Variants in ZNF804A observed in about 807,000 individuals in gnomAD.
The protein encoded by ZNF804A is zinc finger protein 804A.
In ZNF804A, 2 loss-of-function variants were observed where a neutral mutation model predicts 16.5. The observed-to-expected ratio is 0.12, with a 90% CI of 0.05 to 0.38. ZNF804A has a LOEUF of 0.38. ZNF804A is among the 10% of genes least tolerant of loss of function. ZNF804A has a pLI of 0.99. For missense variants in ZNF804A, 1,473 were observed against 1,390.7 expected (o/e 1.06, Z -0.94); for synonymous variants, 534 against 489.6 (o/e 1.09, Z -1.20).
chr2:184,703,350 A>G (rs1692958912), intron 1 of ZNF804A, among the ~76,000 whole-genome samples: 2 of 152,206 alleles, frequency 1.3e-5, no homozygotes, highest in Admixed American at 6.5e-5. Context: ...ACCCTGTTCC[A>G]TAAAGCATGC....
At chr2:184,804,030 T>C (rs905163178) in intron 1 of ZNF804A, among the ~76,000 whole-genome samples, 3 of 151,758 alleles carry the variant, frequency 2.0e-5, no homozygotes, top group Admixed American at 6.6e-5. Context: ...GCCTGGCTAA[T>C]TTTTTTTGTA....
At chr2:184,654,594 G>A (rs1692044910) in intron 1 of ZNF804A, among the ~76,000 whole-genome samples, 1 of 152,098 alleles carries the variant, frequency 6.6e-6, no homozygotes, top group Non-Finnish European at 1.5e-5. Context: ...ACCAATTTAA[G>A]GAAATCTAGA....
intron 1 of ZNF804A, among the ~76,000 whole-genome samples, chr2:184,674,283 T>A (rs1692385874): frequency 6.6e-6 from 1 of 152,064 alleles, no homozygotes; most frequent in Non-Finnish European, 1.5e-5. Flanking sequence ...GGCTTCAGAC[T>A]CATCTTGACT....
At chr2:184,775,030 A>G (rs1306328947) in intron 1 of ZNF804A, among the ~76,000 whole-genome samples, 2 of 151,720 alleles carry the variant, frequency 1.3e-5, no homozygotes, top group Non-Finnish European at 3.0e-5. Flanking sequence ...TGATTGCCTT[A>G]GTACCTATGT....
intron 1 of ZNF804A, among the ~76,000 whole-genome samples, chr2:184,844,820 C>G (rs572347338): frequency 6.6e-6 from 1 of 151,902 alleles, no homozygotes; most frequent in African/African-American, 2.4e-5. Flanking sequence ...CCACTTCTCT[C>G]TCTCTCCAGC....
intron 1 of ZNF804A, among the ~76,000 whole-genome samples, chr2:184,835,702 C>G (rs776094108): frequency 6.6e-6 from 1 of 150,530 alleles, no homozygotes; most frequent in Non-Finnish European, 1.5e-5. Flanking sequence ...AAAGAGGTGA[C>G]CTTAAGTGGA....
Position 184,935,828 on chromosome 2 carries a change from G to A in ZNF804A, c.432G>A (p.Val144=), listed in dbSNP as rs770015598. The A allele has an allele frequency of 1.9e-6, 3 of 1,612,886 alleles. No individual in the cohort carries two copies. The African/African-American group carries it at 4.0e-5, about 22-fold the overall frequency. Residue 144 remains valine, a synonymous_variant, in exon 4 of 4, where the codon GTG becomes GTA. Coordinates refer to ENST00000302277, the MANE Select transcript of ZNF804A (RefSeq NM_194250.2). ...TGTTCAAATCAACAACTGTTACTGT[G>A]AGAGAAAACTGTAATGAAATTTCCC... ...GPMFKSTTVT[V]RENCNEISQR...
intron 1 of ZNF804A, among the ~76,000 whole-genome samples, chr2:184,780,197 T>C (rs1694352900): frequency 2.0e-5 from 3 of 151,780 alleles, no homozygotes; most frequent in African/African-American, 7.2e-5. Flanking sequence ...CAACTGGCCA[T>C]GTTATGTAGT....
chr2:184,866,264 ATTCTGT>A (rs1408105789), intron 1 of ZNF804A, 99 bp from the exon 2 acceptor site: 71 of 994,576 alleles, frequency 7.1e-5, no homozygotes, highest in Non-Finnish European at 9.8e-5. Flanking sequence ...TCTTTGCTGT[ATTCTGT>A]TTCTAACTCT....
intron 2 of ZNF804A, among the ~76,000 whole-genome samples, chr2:184,868,695 A>T (rs2105812368): frequency 6.6e-6 from 1 of 152,192 alleles, no homozygotes; most frequent in East Asian, 1.9e-4. Flanking sequence ...AGCAATTTTG[A>T]TTCCTAATGA....
rs569263720 is a variant in ZNF804A at position 184,683,205 on chromosome 2, T to G, written c.111+84135T>G. ...GCTAGGTATGTGTAATTCAGTACAA[T>G]GAACAATTCAATGTCTACTTTTTAA... On this transcript the variant is annotated intron_variant, in intron 1 of 3. Coordinates refer to ENST00000302277, the MANE Select transcript of ZNF804A (RefSeq NM_194250.2). Among the ~76,000 whole-genome samples the G allele has an allele frequency of 5.9e-5, 9 of 152,348 alleles. No individual in the cohort carries two copies. In the South Asian group the frequency reaches 1.9e-3, roughly 32 times the overall value.
intron 1 of ZNF804A, among the ~76,000 whole-genome samples, chr2:184,669,541 T>A (rs1366364795): frequency 1.4e-4 from 22 of 152,124 alleles, no homozygotes; most frequent in Admixed American, 1.4e-3. Flanking sequence ...TCTCCTTCTT[T>A]GCCACCCTGG....
At chr2:184,750,183 T>C (rs1203062936) in intron 1 of ZNF804A, among the ~76,000 whole-genome samples, 1 of 151,334 alleles carries the variant, frequency 6.6e-6, no homozygotes, top group Non-Finnish European at 1.5e-5. Flanking sequence ...TTAGCTTTAT[T>C]AATTTCTTTA....
intron 2 of ZNF804A, among the ~76,000 whole-genome samples, chr2:184,923,696 T>C (rs1227999427): frequency 6.6e-6 from 1 of 152,066 alleles, no homozygotes; most frequent in Non-Finnish European, 1.5e-5. Context: ...CTGTGGTATA[T>C]GGCTTTTATT....
chr2:184,671,840 A>C (rs1020277325), intron 1 of ZNF804A, among the ~76,000 whole-genome samples: 24 of 152,186 alleles, frequency 1.6e-4, no homozygotes, highest in Non-Finnish European at 2.9e-5. Flanking sequence ...AGTCCAATGA[A>C]ATGTTTAATT....
chr2:184,923,952 A>T (rs1262183034), intron 2 of ZNF804A, among the ~76,000 whole-genome samples: 2 of 151,416 alleles, frequency 1.3e-5, no homozygotes, highest in African/African-American at 4.8e-5. Context: ...GTTTGCTAGT[A>T]TTTGTTGAGG....
chr2:184,673,525 T>A (rs1466958333), intron 1 of ZNF804A, among the ~76,000 whole-genome samples: 2 of 152,188 alleles, frequency 1.3e-5, no homozygotes, highest in Non-Finnish European at 2.9e-5. Flanking sequence ...GCCTGTGAGA[T>A]TTGACAGTAT....
chr2:184,806,888 A>T (rs945292281), intron 1 of ZNF804A, among the ~76,000 whole-genome samples: 4 of 151,840 alleles, frequency 2.6e-5, no homozygotes, highest in African/African-American at 9.7e-5. Context: ...TATTAAGTAT[A>T]TTAAAGTCTT....
chr2:184,779,499 G>T (rs1042011528), intron 1 of ZNF804A, among the ~76,000 whole-genome samples: 2 of 151,684 alleles, frequency 1.3e-5, no homozygotes, highest in South Asian at 2.1e-4. Context: ...TTTACAAGTT[G>T]TAGATAGAAT....
Sources: gnomAD v4.1 joint callset for allele counts (sites outside exome capture counted in the v4.1 genomes callset) on GRCh38, gnomAD v4.1.1 for gene constraint, MANE v1.5 for transcripts, NCBI Gene and HGNC (gene_info 2026-07-23, HGNC 2026-07-21) for gene names.